The following FGF14 variants were observed in gnomAD, a reference collection of about 807,000 sequenced individuals.
The protein encoded by FGF14 is fibroblast growth factor 14, also known as fibroblast growth factor homologous factor 4.
Under a neutral mutation model 25.5 loss-of-function variants are expected in FGF14, and 5 were observed. That is an observed-to-expected ratio of 0.20 (90% CI 0.10 to 0.41). The LOEUF is 0.41. Ranked by LOEUF, FGF14 falls within the 10% of genes least tolerant of loss-of-function variation. The pLI is 1.00. For synonymous variants in FGF14, 138 were observed against 118.3 expected (o/e 1.17, Z -1.08); for missense variants, 222 against 320.1 (o/e 0.69, Z 2.34).
chr13:101,914,845 G>A (rs1167146044), intron 1 of FGF14, among the ~76,000 whole-genome samples: 3 of 152,096 alleles, frequency 2.0e-5, no homozygotes, highest in Admixed American at 6.5e-5. Flanking sequence ...GGTGAAAACT[G>A]TATTCTAAAA....
rs2139642459 is a variant in FGF14 at position 101,720,340 on chromosome 13, C to T, written c.*2491G>A. ...ATATTAGAAGAAAGTATTTGACATCCTTCATAGGGATAAATGCCCTTATAG... is the reference window on the plus strand; with the variant it reads ...ATATTAGAAGAAAGTATTTGACATCTTTCATAGGGATAAATGCCCTTATAG... On this transcript the variant is annotated 3_prime_UTR_variant, in exon 5 of 5. Transcript: ENST00000376143. The T allele has an allele frequency of 6.6e-6, 1 of 152,218 alleles. No individual in the cohort carries two copies. The highest frequency in any genetic ancestry group is 2.1e-4 in the South Asian group (1 of 4,816). The allele number at this position is 152,218 out of a possible 1,614,324, so 9.4% of individuals were successfully genotyped here. A position where few individuals can be genotyped will look rare whatever the true frequency, so the allele number is the denominator to read the frequency against.
At chr13:102,282,574 T>G (rs1377842106) in intron 1 of FGF14, among the ~76,000 whole-genome samples, 5 of 152,236 alleles carry the variant, frequency 3.3e-5, no homozygotes, top group Admixed American at 1.3e-4. Context: ...TGCCCACACC[T>G]ACCTTCAACA....
At position 101,972,736 on chromosome 13, in the gene FGF14, CCA is replaced by C. The variant is rs1566516450; in HGVS notation, c.209-97442_209-97441del. Reference sequence around the variant, plus strand: ...ATTGCCCAGGCAGGTCTCGAACTCCCCAGCTCAAGCTATCCTCCCGCCTCTGC... The same window carrying C: ...ATTGCCCAGGCAGGTCTCGAACTCCCGCTCAAGCTATCCTCCCGCCTCTGC... On this transcript the variant is annotated intron_variant, in intron 1 of 4. Transcript: ENST00000376131. Among the ~76,000 whole-genome samples the C allele has an allele frequency of 2.0e-4, 30 of 152,254 alleles. No individual in the cohort carries two copies. In the East Asian group the frequency reaches 5.6e-3, roughly 28 times the overall value.
chr13:102,099,047 G>T (rs1054657693), intron 1 of FGF14, among the ~76,000 whole-genome samples: 6 of 152,172 alleles, frequency 3.9e-5, no homozygotes, highest in African/African-American at 1.4e-4. Context: ...ATAACAGTGA[G>T]GGGCAGGGCT....
intron 1 of FGF14, among the ~76,000 whole-genome samples, chr13:102,103,161 T>G (rs1348299655): frequency 6.6e-6 from 1 of 152,148 alleles, no homozygotes; most frequent in Non-Finnish European, 1.5e-5. Flanking sequence ...GGTTCCTGAT[T>G]AAACTCTGTA....
At chr13:102,219,330 A>G (rs1224120601) in intron 1 of FGF14, among the ~76,000 whole-genome samples, 3 of 152,084 alleles carry the variant, frequency 2.0e-5, no homozygotes, top group African/African-American at 4.8e-5. Context: ...TTCTTGCCCT[A>G]CCTCCTGGGG....
intron 2 of FGF14, among the ~76,000 whole-genome samples, chr13:101,871,944 G>C (rs1177800773): frequency 6.6e-6 from 1 of 151,982 alleles, no homozygotes; most frequent in Non-Finnish European, 1.5e-5. Flanking sequence ...ATATTAGACT[G>C]GAAACCCTTG....
At chr13:101,929,241 G>C (rs1462953517) in intron 1 of FGF14, among the ~76,000 whole-genome samples, 1 of 152,140 alleles carries the variant, frequency 6.6e-6, no homozygotes, top group Non-Finnish European at 1.5e-5. Flanking sequence ...GCTCCACCTG[G>C]TATGGGTTGG....
intron 1 of FGF14, among the ~76,000 whole-genome samples, chr13:102,204,177 T>C (rs994557347): frequency 6.6e-6 from 1 of 152,244 alleles, no homozygotes; most frequent in African/African-American, 2.4e-5. Context: ...AGGTAGGTAG[T>C]GTTTGTGTTT....
At chr13:102,299,226 CG>C (rs1566915169) in intron 1 of FGF14, among the ~76,000 whole-genome samples, 1 of 151,952 alleles carries the variant, frequency 6.6e-6, no homozygotes, top group East Asian at 1.9e-4. Flanking sequence ...TCACCGAAAA[CG>C]AAAAGCTTCT....
intron 1 of FGF14, among the ~76,000 whole-genome samples, chr13:101,946,670 A>G (rs1486903001): frequency 6.6e-6 from 1 of 152,212 alleles, no homozygotes; most frequent in Non-Finnish European, 1.5e-5. Context: ...TTGCTGTAAC[A>G]TCCAGGAGGA....
chr13:101,900,415 T>C (rs1208770450), intron 1 of FGF14, among the ~76,000 whole-genome samples: 1 of 151,848 alleles, frequency 6.6e-6, no homozygotes, highest in Non-Finnish European at 1.5e-5. Context: ...CTAAATAAAA[T>C]TTAATACACC....
intron 1 of FGF14, among the ~76,000 whole-genome samples, chr13:102,343,692 T>C (rs367622315): frequency 1.3e-5 from 2 of 152,226 alleles, no homozygotes; most frequent in African/African-American, 4.8e-5. Context: ...TCAAAACTTC[T>C]ACTAAACATA....
chr13:101,856,055 G>C (rs1375581627), intron 3 of FGF14, among the ~76,000 whole-genome samples: 2 of 151,662 alleles, frequency 1.3e-5, no homozygotes, highest in Admixed American at 1.3e-4. Flanking sequence ...TGCTAACTCT[G>C]TAAAACCGTC....
chr13:101,932,974 C>T (rs1288665079), intron 1 of FGF14, among the ~76,000 whole-genome samples: 8 of 152,128 alleles, frequency 5.3e-5, no homozygotes, highest in Admixed American at 5.2e-4. Context: ...CAGTGATGTC[C>T]TGAAGTCCTA....
chr13:102,118,699 A>G (rs1342611902), intron 1 of FGF14, among the ~76,000 whole-genome samples: 1 of 152,182 alleles, frequency 6.6e-6, no homozygotes, highest in Non-Finnish European at 1.5e-5. Context: ...TCTATCATAT[A>G]TGTATATATA....
At chr13:102,295,098 T>C in intron 1 of FGF14, among the ~76,000 whole-genome samples, 1 of 152,180 alleles carries the variant, frequency 6.6e-6, no homozygotes, top group Admixed American at 6.5e-5. Flanking sequence ...CATAGGAGTT[T>C]AAAACCAGAA....
At chr13:101,728,843 G>A (rs1245395292) in intron 3 of FGF14, among the ~76,000 whole-genome samples, 1 of 152,042 alleles carries the variant, frequency 6.6e-6, no homozygotes, top group Non-Finnish European at 1.5e-5. Flanking sequence ...TGCTCATCCT[G>A]TTGCTACAAA....
chr13:101,962,214 TG>T (rs2036901493), intron 1 of FGF14, among the ~76,000 whole-genome samples: 1 of 152,222 alleles, frequency 6.6e-6, no homozygotes, highest in East Asian at 1.9e-4. Flanking sequence ...TTTTTACATT[TG>T]TGTCCTCTCT....
Sources: allele counts gnomAD v4.1 joint callset (sites outside exome capture counted in the v4.1 genomes callset), GRCh38; gene constraint gnomAD v4.1.1; transcripts MANE v1.5; gene names NCBI Gene and HGNC (gene_info 2026-07-23, HGNC 2026-07-21).